The following RAB27B variants were observed in gnomAD, a reference collection of about 807,000 sequenced individuals.
The protein encoded by RAB27B is RAB27B, member RAS oncogene family.
A neutral mutation model predicts 24.6 loss-of-function variants in RAB27B; 15 were observed. The observed-to-expected ratio is 0.61, with a 90% CI of 0.41 to 0.94. The LOEUF (loss-of-function observed/expected upper bound fraction) is 0.94, where lower values mean the gene tolerates loss of function less well. Among genes scored for constraint, RAB27B ranks in the 40% least tolerant of loss-of-function variants. The pLI is 0.00. For synonymous variants in RAB27B, 105 were observed against 92.5 expected, an observed-to-expected ratio of 1.14 and a Z score of -0.78; for missense variants, 261 against 266.8, an observed-to-expected ratio of 0.98 and a Z score of 0.15.
At chr18:54,793,097 T>C in intron 2 of RAB27B, among the ~76,000 whole-genome samples, 1 of 3,938 alleles carries the variant, frequency 2.5e-4, no homozygotes, top group South Asian at 0.031. Context: ...TCAACTGTAG[T>C]TTTTTTTTTT....
At chr18:54,854,809 C>T (rs1358807242) in intron 1 of RAB27B, among the ~76,000 whole-genome samples, 2 of 152,164 alleles carry the variant, frequency 1.3e-5, no homozygotes, top group Non-Finnish European at 2.9e-5. Context: ...ATAATGTTCT[C>T]TTGAATTTTC....
At chr18:54,745,909 G>A (rs1386254808) in intron 2 of RAB27B, among the ~76,000 whole-genome samples, 4 of 148,590 alleles carry the variant, frequency 2.7e-5, no homozygotes, top group African/African-American at 1.0e-4. Flanking sequence ...TACACTGCTG[G>A]CCAAGATAAA....
At chr18:54,878,408 T>A (rs1912791307) in intron 2 of RAB27B, among the ~76,000 whole-genome samples, 1 of 152,200 alleles carries the variant, frequency 6.6e-6, no homozygotes, top group African/African-American at 2.4e-5. Flanking sequence ...TATTCTTGAT[T>A]GCCAAGATGG....
intron 1 of RAB27B, among the ~76,000 whole-genome samples, chr18:54,867,873 C>T (rs979555353): frequency 1.3e-5 from 2 of 152,178 alleles, no homozygotes; most frequent in African/African-American, 2.4e-5. Flanking sequence ...TTGCCTGCCT[C>T]TCTCACCACC....
intron 1 of RAB27B, among the ~76,000 whole-genome samples, chr18:54,857,237 G>A (rs373603269): frequency 6.6e-6 from 1 of 152,074 alleles, no homozygotes; most frequent in Non-Finnish European, 1.5e-5. Context: ...CAAGTCTAAT[G>A]GTATGTGCTG....
chr18:54,845,668 T>C (rs1376823135), intron 1 of RAB27B, among the ~76,000 whole-genome samples: 1 of 152,196 alleles, frequency 6.6e-6, no homozygotes, highest in Non-Finnish European at 1.5e-5. Flanking sequence ...TTTTGCATAT[T>C]GCTACAAGGT....
intron 1 of RAB27B, among the ~76,000 whole-genome samples, chr18:54,845,299 CAG>C (rs2145207761): frequency 6.7e-6 from 1 of 149,984 alleles, no homozygotes; most frequent in African/African-American, 2.4e-5. Context: ...CCCAGCCACT[CAG>C]GAGACTGAGG....
At chr18:54,865,338 A>G (rs1912173781) in intron 1 of RAB27B, among the ~76,000 whole-genome samples, 1 of 151,430 alleles carries the variant, frequency 6.6e-6, no homozygotes, top group South Asian at 2.1e-4. Flanking sequence ...TTATGTGGAA[A>G]CTATGTTAGT....
chr18:54,882,933 C>T (rs893435551), intron 3 of RAB27B, among the ~76,000 whole-genome samples: 4 of 151,992 alleles, frequency 2.6e-5, no homozygotes, highest in Non-Finnish European at 4.4e-5. Context: ...AAACTGGACA[C>T]GGGAAGCCTA....
At chr18:54,738,863 A>G (rs899341146) in intron 2 of RAB27B, among the ~76,000 whole-genome samples, 1 of 152,190 alleles carries the variant, frequency 6.6e-6, no homozygotes, top group African/African-American at 2.4e-5. Flanking sequence ...GTACAACTCA[A>G]TGAGTCTTGA....
chr18:54,729,856 CA>C lies in RAB27B; in HGVS notation c.-20+11725del, dbSNP rs921106241. The stretch of plus-strand genomic sequence containing the variant: ...AAGAGATACCCTTAAGACAAAAGGA[CA>C]AAAAAAAAATGTTGAAAGTTAAGAC... On this transcript the variant is annotated intron_variant, in intron 2 of 4. Transcript: ENST00000586570. 5.1e-3 allele frequency among the ~76,000 whole-genome samples: 740 copies of C among 146,494 alleles called. 4 individuals are homozygous for C. Among genetic ancestry groups the C allele is most frequent in the African/African-American group, 0.015 (595 of 40,186 alleles).
At chr18:54,777,581 A>G (rs550504564) in intron 2 of RAB27B, among the ~76,000 whole-genome samples, 140 of 152,360 alleles carry the variant, frequency 9.2e-4, no homozygotes, top group African/African-American at 3.2e-3. Flanking sequence ...TTAAGTAATC[A>G]GAGAAGAGAA....
chr18:54,889,483 C>G lies in RAB27B; in HGVS notation c.*70C>G. 7.2e-7 allele frequency: 1 copy of G among 1,394,862 alleles called. No homozygotes were observed. The highest frequency in any genetic ancestry group is 9.6e-7 in the Non-Finnish European group (1 of 1,038,288). The allele number at this position is 1,394,862 out of a possible 1,614,324, so 86.4% of individuals were successfully genotyped here. The stretch of plus-strand genomic sequence containing the variant: ...CTTTTAAAAACAATGACAAACCACA[C>G]AATTGTTGTTGAGTAAACCACGCAC... On this transcript the variant is annotated 3_prime_UTR_variant, in exon 6 of 6. Transcript: ENST00000262094.
At chr18:54,773,512 A>T (rs531607597) in intron 2 of RAB27B, among the ~76,000 whole-genome samples, 2 of 152,322 alleles carry the variant, frequency 1.3e-5, no homozygotes, top group Non-Finnish European at 2.9e-5. Context: ...TTACTCTTTC[A>T]CTGTGAATTT....
At chr18:54,884,857 G>A (rs1055023943) in intron 4 of RAB27B, among the ~76,000 whole-genome samples, 1 of 152,136 alleles carries the variant, frequency 6.6e-6, no homozygotes, top group African/African-American at 2.4e-5. Context: ...CTGAAGGTGT[G>A]TTAAACACTA....
At chr18:54,812,034 T>C (rs1452074904) in intron 2 of RAB27B, among the ~76,000 whole-genome samples, 3 of 152,208 alleles carry the variant, frequency 2.0e-5, no homozygotes, top group Admixed American at 2.0e-4. Flanking sequence ...TGAGGGGATT[T>C]TGTGTAAGTT....
chr18:54,805,766 A>G (rs1401984139), intron 2 of RAB27B, among the ~76,000 whole-genome samples: 1 of 152,208 alleles, frequency 6.6e-6, no homozygotes. Flanking sequence ...TGTTTTAGTT[A>G]TTGTACGAAA....
intron 2 of RAB27B, among the ~76,000 whole-genome samples, chr18:54,730,852 A>T (rs1184910209): frequency 6.6e-6 from 1 of 152,142 alleles, no homozygotes; most frequent in Non-Finnish European, 1.5e-5. Context: ...CCAGTCTCAG[A>T]TATTCCTTTA....
At chr18:54,766,682 A>G (rs1239730504) in intron 2 of RAB27B, among the ~76,000 whole-genome samples, 1 of 152,148 alleles carries the variant, frequency 6.6e-6, no homozygotes, top group Non-Finnish European at 1.5e-5. Context: ...TGTATGAAAT[A>G]TTAGAAATCT....
Sources: gnomAD v4.1 joint callset for allele counts (sites outside exome capture counted in the v4.1 genomes callset) on GRCh38, gnomAD v4.1.1 for gene constraint, MANE v1.5 for transcripts, NCBI Gene and HGNC (gene_info 2026-07-23, HGNC 2026-07-21) for gene names.